The following NPAS3 variants were observed in gnomAD, a reference collection of about 807,000 sequenced individuals.
NPAS3 encodes the protein neuronal PAS domain-containing protein 3.
In NPAS3, 14 loss-of-function variants were observed where a neutral mutation model predicts 73.1. That is an observed-to-expected ratio of 0.19 (90% CI 0.13 to 0.30). The LOEUF is 0.30. NPAS3 is among the 10% of genes least tolerant of loss of function. The probability of loss-of-function intolerance (pLI) is 1.00; values close to 1 mark genes in which losing one functional copy is unlikely to be tolerated. For missense variants in NPAS3, 1,096 were observed against 1,250.0 expected, an observed-to-expected ratio of 0.88 and a Z score of 1.86; for synonymous variants, 620 against 541.5, an observed-to-expected ratio of 1.14 and a Z score of -2.01.
At chr14:33,449,971 A>C (rs997148039) in intron 4 of NPAS3, among the ~76,000 whole-genome samples, 1 of 152,222 alleles carries the variant, frequency 6.6e-6, no homozygotes, top group African/African-American at 2.4e-5. Context: ...TCAGAAAATT[A>C]ACAACTGAGT....
At position 33,152,596 on chromosome 14, in the gene NPAS3, T is replaced by A. The variant is rs143625844; in HGVS notation, c.141-62586T>A. Among the ~76,000 whole-genome samples the A allele has an allele frequency of 4.8e-3, 738 of 152,272 alleles. 7 individuals carry two copies. The highest frequency in any genetic ancestry group is 0.017 in the African/African-American group (701 of 41,556). ...AATTTCTAAAAATGTCTCTATTACA[T>A]CCTTAAGTGATTGATGTTTTTATAT... On this transcript the variant is annotated intron_variant, in intron 2 of 11. Coordinates refer to ENST00000356141, the Ensembl canonical transcript of NPAS3.
chr14:33,214,782 G>A (rs1360287078), intron 2 of NPAS3: 1 of 171,678 alleles, frequency 5.8e-6, no homozygotes, highest in African/African-American at 2.4e-5. Context: ...ACTGATGAAA[G>A]TTAAATGAAC....
intron 4 of NPAS3, among the ~76,000 whole-genome samples, chr14:33,455,918 A>G (rs2050002619): frequency 6.6e-6 from 1 of 152,210 alleles, no homozygotes; most frequent in South Asian, 2.1e-4. Context: ...AAAGCATTTA[A>G]ACTATCTAGT....
chr14:33,020,993 C>T (rs2039575622), intron 1 of NPAS3, among the ~76,000 whole-genome samples: 1 of 152,230 alleles, frequency 6.6e-6, no homozygotes, highest in Non-Finnish European at 1.5e-5. Context: ...AAACTCCTGA[C>T]CGCAGGTGAT....
chr14:33,192,948 A>T (rs1312190287), intron 2 of NPAS3, among the ~76,000 whole-genome samples: 2 of 152,212 alleles, frequency 1.3e-5, no homozygotes, highest in East Asian at 3.9e-4. Flanking sequence ...AGAGATGGGA[A>T]CAAATGACTA....
At chr14:33,497,087 T>C (rs1446749594) in intron 4 of NPAS3, among the ~76,000 whole-genome samples, 1 of 152,076 alleles carries the variant, frequency 6.6e-6, no homozygotes, top group Non-Finnish European at 1.5e-5. Flanking sequence ...ATGAGTGAAC[T>C]CCCATTCACA....
At chr14:33,310,931 T>C (rs1322298510) in intron 3 of NPAS3, among the ~76,000 whole-genome samples, 3 of 152,102 alleles carry the variant, frequency 2.0e-5, no homozygotes, top group Non-Finnish European at 4.4e-5. Context: ...CTGTGCACTT[T>C]TAGTTCTTAT....
chr14:33,431,479 G>A (rs559710572), intron 4 of NPAS3, among the ~76,000 whole-genome samples: 18 of 152,140 alleles, frequency 1.2e-4, no homozygotes, highest in South Asian at 8.3e-4. Flanking sequence ...AATTGCTGTC[G>A]ATTCTAGAAC....
intron 1 of NPAS3, among the ~76,000 whole-genome samples, chr14:32,944,483 A>C (rs577681743): frequency 3.9e-5 from 6 of 152,352 alleles, no homozygotes; most frequent in Admixed American, 1.3e-4. Flanking sequence ...ATCTATGATT[A>C]GTAAGAACTA....
At chr14:33,033,075 A>G (rs1247183477) in intron 1 of NPAS3, among the ~76,000 whole-genome samples, 1 of 152,230 alleles carries the variant, frequency 6.6e-6, no homozygotes, top group African/African-American at 2.4e-5. Context: ...ATTTGGCCCA[A>G]TCTCTTTATG....
At chr14:33,307,722 G>A (rs2042815474) in intron 3 of NPAS3, among the ~76,000 whole-genome samples, 1 of 151,650 alleles carries the variant, frequency 6.6e-6, no homozygotes, top group Non-Finnish European at 1.5e-5. Context: ...GATGATAGAA[G>A]CCCATATTCA....
At chr14:33,577,741 G>A (rs1020643884) in intron 5 of NPAS3, among the ~76,000 whole-genome samples, 2 of 152,222 alleles carry the variant, frequency 1.3e-5, no homozygotes, top group African/African-American at 4.8e-5. Flanking sequence ...AGTAAATAGT[G>A]CCTTTCAACC....
intron 3 of NPAS3, among the ~76,000 whole-genome samples, chr14:33,330,458 C>T (rs1305608376): frequency 2.0e-5 from 3 of 152,084 alleles, no homozygotes; most frequent in Non-Finnish European, 2.9e-5. Context: ...TAACGTCAAG[C>T]AGCAGGTGTA....
chr14:33,190,579 G>T (rs1004168844), intron 2 of NPAS3, among the ~76,000 whole-genome samples: 1 of 152,136 alleles, frequency 6.6e-6, no homozygotes, highest in Non-Finnish European at 1.5e-5. Flanking sequence ...CAAGTGAGTC[G>T]AAAGAAGAAA....
At chr14:33,275,147 C>G (rs2041271700) in intron 3 of NPAS3, among the ~76,000 whole-genome samples, 1 of 152,102 alleles carries the variant, frequency 6.6e-6, no homozygotes, top group African/African-American at 2.4e-5. Flanking sequence ...AGGGAGCCCA[C>G]TTAGTTTGGA....
chr14:33,290,623 A>G (rs1187352768), intron 3 of NPAS3, among the ~76,000 whole-genome samples: 1 of 152,224 alleles, frequency 6.6e-6, no homozygotes, highest in African/African-American at 2.4e-5. Context: ...TTGTTAGTCC[A>G]GGAAGCAACA....
intron 3 of NPAS3, among the ~76,000 whole-genome samples, chr14:33,253,264 A>G (rs1176843272): frequency 1.3e-5 from 2 of 152,016 alleles, no homozygotes; most frequent in East Asian, 3.9e-4. Flanking sequence ...CCTTTTCTCC[A>G]TGTCCAATGA....
At chr14:33,660,973 GTCTT>G (rs889240436) in intron 5 of NPAS3, among the ~76,000 whole-genome samples, 1 of 151,982 alleles carries the variant, frequency 6.6e-6, no homozygotes, top group Non-Finnish European at 1.5e-5. Flanking sequence ...TGTGTTAAGA[GTCTT>G]TCTTTGAAAG....
chr14:33,692,597 G>C (rs2060262888), intron 6 of NPAS3, among the ~76,000 whole-genome samples: 1 of 152,054 alleles, frequency 6.6e-6, no homozygotes, highest in African/African-American at 2.4e-5. Flanking sequence ...AACCACAAAA[G>C]CTTACAGAAA....
Sources: gnomAD v4.1 joint callset for allele counts (sites outside exome capture counted in the v4.1 genomes callset) on GRCh38, gnomAD v4.1.1 for gene constraint, MANE v1.5 for transcripts, NCBI Gene and HGNC (gene_info 2026-07-23, HGNC 2026-07-21) for gene names.